SIPA1L1: variants seen among roughly 807,000 people sequenced by gnomAD.
The protein encoded by SIPA1L1 is signal-induced proliferation-associated 1-like protein 1.
A neutral mutation model predicts 162.7 loss-of-function variants in SIPA1L1; 26 were observed. The observed-to-expected ratio is 0.16, with a 90% CI of 0.12 to 0.22. The LOEUF (loss-of-function observed/expected upper bound fraction) is 0.22. Among genes scored for constraint, SIPA1L1 ranks in the 10% least tolerant of loss-of-function variants. The pLI is 1.00. For missense variants in SIPA1L1, 1,874 were observed against 2,241.0 expected, an observed-to-expected ratio of 0.84 and a Z score of 3.31; for synonymous variants, 829 against 837.4, an observed-to-expected ratio of 0.99 and a Z score of 0.17.
chr14:71,740,178 A>G lies in SIPA1L1; in HGVS notation c.*1017A>G, dbSNP rs1402592718. On this transcript the variant is annotated 3_prime_UTR_variant, in exon 24 of 24. Coordinates refer to ENST00000381232, the MANE Select transcript of SIPA1L1 (RefSeq NM_001386936.1). The stretch of plus-strand genomic sequence containing the variant: ...GTATTTGTAACTAGGAGAAGCTAAC[A>G]GTGAATGTTTAATTGTGAATTTTAA... 1 of 152,236 alleles carries G rather than the reference A, an allele frequency of 6.6e-6. No individual in the cohort carries two copies. Among genetic ancestry groups the G allele is most frequent in the Non-Finnish European group, 1.5e-5 (1 of 68,040 alleles). The allele number at this position is 152,236 out of a possible 1,614,324, so 9.4% of individuals were successfully genotyped here.
chr14:71,623,086 G>A (rs2039616812), intron 6 of SIPA1L1, among the ~76,000 whole-genome samples: 1 of 152,112 alleles, frequency 6.6e-6, no homozygotes, highest in African/African-American at 2.4e-5. Context: ...TATGCCCTGA[G>A]CCACTGTGGT....
chr14:71,374,501 GAC>G (rs2039190073), intron 2 of SIPA1L1, among the ~76,000 whole-genome samples: 1 of 151,732 alleles, frequency 6.6e-6, no homozygotes, highest in African/African-American at 2.4e-5. Context: ...GACAGAAACT[GAC>G]AGTGTGGTAT....
At chr14:71,381,742 A>G (rs756241418) in intron 2 of SIPA1L1, among the ~76,000 whole-genome samples, 4 of 151,896 alleles carry the variant, frequency 2.6e-5, no homozygotes, top group Non-Finnish European at 4.4e-5. Context: ...CATTGTGGTG[A>G]TTTTCTGTAT....
chr14:71,332,722 A>G (rs2034691720), intron 2 of SIPA1L1, among the ~76,000 whole-genome samples: 1 of 152,146 alleles, frequency 6.6e-6, no homozygotes, highest in African/African-American at 2.4e-5. Flanking sequence ...AGAGTCATAT[A>G]ACCCTTCTGC....
rs1460450511 is a variant in SIPA1L1 at position 71,543,864 on chromosome 14, C to CATATGTATGTGTATAT, written c.-303+14497_-303+14498insTGTATGTGTATATATA. On this transcript the variant is annotated intron_variant, in intron 4 of 23. Coordinates refer to ENST00000381232, the MANE Select transcript of SIPA1L1 (RefSeq NM_001386936.1). ...TATGTATGTGTATATATACATATAT[C>CATATGTATGTGTATAT]ATACGTATGTGTATATATACATATA... 8.9e-4 allele frequency among the ~76,000 whole-genome samples: 127 copies of CATATGTATGTGTATAT among 143,472 alleles called. 1 individual carries two copies. The highest frequency in any genetic ancestry group is 7.0e-3 in the South Asian group (32 of 4,588). The allele number at this position is 143,472 out of a possible 152,430, so 94.1% of individuals were successfully genotyped here. A position where few individuals can be genotyped will look rare whatever the true frequency, so the allele number is the denominator to read the frequency against.
At chr14:71,713,589 A>G (rs1002992648) in intron 17 of SIPA1L1, among the ~76,000 whole-genome samples, 1 of 152,334 alleles carries the variant, frequency 6.6e-6, no homozygotes, top group Non-Finnish European at 1.5e-5. Context: ...ACACAGCTCA[A>G]TTTCATGAAT....
chr14:71,732,689 A>G (rs1259100421), intron 20 of SIPA1L1, among the ~76,000 whole-genome samples: 1 of 152,228 alleles, frequency 6.6e-6, no homozygotes. Flanking sequence ...TGGTCCAAAG[A>G]ATAGCTCGTG....
intron 5 of SIPA1L1, among the ~76,000 whole-genome samples, chr14:71,606,250 A>G (rs536453555): frequency 8.5e-5 from 13 of 152,270 alleles, no homozygotes; most frequent in African/African-American, 3.1e-4. Context: ...GCAGCCCACA[A>G]CAAAGGCACC....
chr14:71,488,498 A>G (rs2048956919), intron 2 of SIPA1L1, among the ~76,000 whole-genome samples: 1 of 152,226 alleles, frequency 6.6e-6, no homozygotes, highest in Admixed American at 6.5e-5. Context: ...CATGAAAAAT[A>G]ATTTTTAAAA....
At chr14:71,498,018 A>G (rs2049923263) in intron 2 of SIPA1L1, 1 of 152,168 alleles carries the variant, frequency 6.6e-6, no homozygotes, top group South Asian at 2.1e-4. Context: ...AGCATTTTAA[A>G]TTTTGGCCAT....
chr14:71,575,451 G>A (rs1426592406), intron 4 of SIPA1L1, among the ~76,000 whole-genome samples: 1 of 152,142 alleles, frequency 6.6e-6, no homozygotes, highest in African/African-American at 2.4e-5. Context: ...TTTTCAGTAA[G>A]CATATAACCG....
At position 71,723,640 on chromosome 14, in the gene SIPA1L1, T is replaced by C. The variant is rs2083955292; in HGVS notation, c.4209-7T>C. Reference sequence around the variant, plus strand: ...GATACACATGTCTTTGCCCTGCTTCTCCTCAGTACCATGAGCTCCCGACAC... The same window carrying C: ...GATACACATGTCTTTGCCCTGCTTCCCCTCAGTACCATGAGCTCCCGACAC... On this transcript the variant is annotated splice_polypyrimidine_tract_variant and splice_region_variant and intron_variant, in intron 17 of 23. Transcript: ENST00000381232. 1.2e-6 allele frequency: 2 copies of C among 1,613,918 alleles called. No individual in the cohort carries two copies. Among genetic ancestry groups the C allele is most frequent in the Non-Finnish European group, 1.7e-6 (2 of 1,179,798 alleles).
intron 2 of SIPA1L1, chr14:71,467,293 A>G (rs1178190117): frequency 3.3e-5 from 5 of 152,232 alleles, no homozygotes; most frequent in Non-Finnish European, 7.3e-5. Context: ...ATTTGAATCA[A>G]GTAATATTTG....
intron 5 of SIPA1L1, among the ~76,000 whole-genome samples, chr14:71,617,064 C>T (rs1800714117): frequency 6.6e-6 from 1 of 152,168 alleles, no homozygotes; most frequent in Non-Finnish European, 1.5e-5. Flanking sequence ...GTACAATATC[C>T]TCTGAGGGTA....
chr14:71,454,207 C>T (rs2046029906), intron 2 of SIPA1L1, among the ~76,000 whole-genome samples: 1 of 151,878 alleles, frequency 6.6e-6, no homozygotes, highest in African/African-American at 2.4e-5. Flanking sequence ...ATGTACAAGG[C>T]AATTGAGGCT....
intron 8 of SIPA1L1, among the ~76,000 whole-genome samples, chr14:71,651,460 C>T (rs1014504489): frequency 4.6e-5 from 7 of 152,154 alleles, no homozygotes; most frequent in Non-Finnish European, 7.4e-5. Flanking sequence ...AACTTGGAAA[C>T]GACATGCAAG....
At chr14:71,609,975 T>C (rs1383682596) in intron 5 of SIPA1L1, among the ~76,000 whole-genome samples, 1 of 152,090 alleles carries the variant, frequency 6.6e-6, no homozygotes, top group Non-Finnish European at 1.5e-5. Flanking sequence ...GCAGAAGTGT[T>C]AAAATTTTGA....
intron 2 of SIPA1L1, among the ~76,000 whole-genome samples, chr14:71,421,431 A>C (rs2043181160): frequency 6.6e-6 from 1 of 151,892 alleles, no homozygotes; most frequent in Non-Finnish European, 1.5e-5. Context: ...CCATCTCTAC[A>C]AAAACGAGAA....
chr14:71,588,599 C>G lies in SIPA1L1; in HGVS notation c.727C>G (p.Leu243Val). ...KSDRGPTPTK[L>V]SDFLITGGGK... is the part of the protein sequence containing the mutation. Reference sequence around the variant, plus strand: ...TGATCGAGGTCCAACTCCAACCAAGCTCAGTGACTTTCTCATTACTGGTGG... The same window carrying G: ...TGATCGAGGTCCAACTCCAACCAAGGTCAGTGACTTTCTCATTACTGGTGG... The change falls in exon 5 of 24, where the codon CTC becomes GTC. Residue 243 changes from leucine to valine, a missense_variant. Leu to Val is a conservative substitution (Grantham distance 32, BLOSUM62 1). Coordinates refer to ENST00000381232, the MANE Select transcript of SIPA1L1 (RefSeq NM_001386936.1). This position sits in a 1 kb window ranked among gnomAD's most constrained non-coding sequence, Gnocchi z 4.3. The G allele has an allele frequency of 6.2e-7, 1 of 1,614,066 alleles. No individual in the cohort carries two copies. The highest frequency in any genetic ancestry group is 8.5e-7 in the Non-Finnish European group (1 of 1,179,978).
Sources: gnomAD v4.1 joint callset for allele counts (sites outside exome capture counted in the v4.1 genomes callset) on GRCh38, gnomAD v4.1.1 for gene constraint, Gnocchi (gnomAD v3.1) non-coding constraint, MANE v1.5 for transcripts, NCBI Gene and HGNC (gene_info 2026-07-23, HGNC 2026-07-21) for gene names.